CHIC1: variants seen among roughly 807,000 people sequenced by gnomAD.
CHIC1 encodes cysteine rich hydrophobic domain 1, also known as cysteine-rich hydrophobic domain-containing protein 1.
In CHIC1, 7 loss-of-function variants were observed where a neutral mutation model predicts 18.5. The observed-to-expected ratio is 0.38, with a 90% CI of 0.22 to 0.71. The LOEUF (loss-of-function observed/expected upper bound fraction) is 0.71, where lower values mean the gene tolerates loss of function less well. Among genes scored for constraint, CHIC1 ranks in the 30% least tolerant of loss-of-function variants. CHIC1 has a pLI of 0.49. For missense variants in CHIC1, 159 were observed against 176.9 expected (o/e 0.90, Z 0.57); for synonymous variants, 77 against 73.5 (o/e 1.05, Z -0.25).
At chrX:73,572,904 C>T (rs1478245550) in intron 1 of CHIC1, among the ~76,000 whole-genome samples, 2 of 110,796 alleles carry the variant, frequency 1.8e-5, no homozygotes, top group South Asian at 3.7e-4. Flanking sequence ...TGTATGTTGT[C>T]TGTTGATTGA....
chrX:73,645,241 T>C (rs752323647), intron 3 of CHIC1, among the ~76,000 whole-genome samples: 1 of 112,331 alleles, frequency 8.9e-6, no homozygotes, highest in African/African-American at 3.2e-5. Flanking sequence ...AATGATAGAA[T>C]TTTCTTTTCT....
intron 3 of CHIC1, among the ~76,000 whole-genome samples, chrX:73,639,084 T>C (rs1474404943): frequency 8.9e-6 from 1 of 111,933 alleles, no homozygotes; most frequent in Non-Finnish European, 1.9e-5. Context: ...TGTTTTAAGC[T>C]CTTTGAGGAA....
chrX:73,679,262 G>A, intron 3 of CHIC1, 64 bp from the exon 4 acceptor site: 1 of 696,536 alleles, frequency 1.4e-6, no homozygotes, highest in East Asian at 3.3e-5. Flanking sequence ...GAAAAATATA[G>A]ATGCACATAG....
intron 3 of CHIC1, among the ~76,000 whole-genome samples, chrX:73,606,653 T>C (rs2057684910): frequency 9.2e-6 from 1 of 108,801 alleles, no homozygotes; most frequent in African/African-American, 3.6e-5. Flanking sequence ...GTTGGTGACC[T>C]TTGGAACAGG....
intron 3 of CHIC1, among the ~76,000 whole-genome samples, chrX:73,656,405 A>T (rs1173697147): frequency 1.8e-5 from 2 of 111,142 alleles, no homozygotes; most frequent in African/African-American, 6.6e-5. Flanking sequence ...TGTTGCCTAG[A>T]TTTTCTTTTA....
At chrX:73,642,064 T>G (rs1015609734) in intron 3 of CHIC1, among the ~76,000 whole-genome samples, 2 of 111,728 alleles carry the variant, frequency 1.8e-5, no homozygotes, top group African/African-American at 6.5e-5. Flanking sequence ...AAATGGTATT[T>G]CTAGTTCTAG....
intron 3 of CHIC1, among the ~76,000 whole-genome samples, chrX:73,645,050 G>A (rs944761381): frequency 1.2e-4 from 14 of 112,078 alleles, no homozygotes; most frequent in African/African-American, 3.2e-4. Flanking sequence ...GAAATCACCC[G>A]TCTTCTGCGT....
intron 3 of CHIC1, among the ~76,000 whole-genome samples, chrX:73,596,551 A>G: frequency 8.9e-6 from 1 of 111,828 alleles, no homozygotes; most frequent in Admixed American, 9.6e-5. Flanking sequence ...TAGAACTCAA[A>G]AAGAGCCCAT....
Position 73,563,252 on chromosome X carries a change from C to T in CHIC1, c.-33C>T. 1.8e-6 allele frequency: 2 copies of T among 1,089,268 alleles called. No individual in the cohort carries two copies. Among genetic ancestry groups the T allele is most frequent in the South Asian group, 2.4e-5 (1 of 40,910 alleles). 89.8% of individuals were successfully genotyped at this position (1,089,268 alleles called of 1,213,427 possible). ...CACCTCGGCAGGTTCAAACTCTTCT[C>T]CGGGAGCGTGGCGGCGATCGCGAGG... is the stretch of plus-strand genomic sequence containing the variant. On this transcript the variant is annotated 5_prime_UTR_variant, in exon 1 of 6. Transcript: ENST00000373502.
intron 3 of CHIC1, among the ~76,000 whole-genome samples, chrX:73,619,608 A>G (rs1024826898): frequency 9.0e-6 from 1 of 111,635 alleles, no homozygotes; most frequent in Non-Finnish European, 1.9e-5. Flanking sequence ...AACATAATAT[A>G]TTATTTTAAA....
At chrX:73,588,752 A>G (rs2057565857) in intron 3 of CHIC1, among the ~76,000 whole-genome samples, 1 of 110,124 alleles carries the variant, frequency 9.1e-6, no homozygotes, top group East Asian at 2.9e-4. Flanking sequence ...TTCAATATTT[A>G]CTTGTTATAG....
chrX:73,564,827 C>CA (rs11398891), intron 1 of CHIC1, among the ~76,000 whole-genome samples: 3,366 of 77,651 alleles, frequency 0.043, 253 homozygotes, highest in African/African-American at 0.16. Flanking sequence ...GACAGAGTCT[C>CA]ACTCTTTTGC....
At chrX:73,639,513 G>T (rs769791133) in intron 3 of CHIC1, among the ~76,000 whole-genome samples, 2 of 111,941 alleles carry the variant, frequency 1.8e-5, no homozygotes, top group Non-Finnish European at 1.9e-5. Flanking sequence ...AAGCACTTTA[G>T]TTTAATTAGG....
At chrX:73,570,173 T>A (rs1380779642) in intron 1 of CHIC1, among the ~76,000 whole-genome samples, 1 of 111,636 alleles carries the variant, frequency 9.0e-6, no homozygotes, top group East Asian at 2.8e-4. Flanking sequence ...TGTTGAATTG[T>A]ATAGTGCACA....
intron 1 of CHIC1, among the ~76,000 whole-genome samples, chrX:73,571,754 C>T (rs1305549696): frequency 9.0e-6 from 1 of 110,968 alleles, no homozygotes; most frequent in Non-Finnish European, 1.9e-5. Flanking sequence ...GATTTATTTA[C>T]TCGACTATTT....
At chrX:73,676,092 G>C (rs1413418321) in intron 3 of CHIC1, among the ~76,000 whole-genome samples, 1 of 111,984 alleles carries the variant, frequency 8.9e-6, no homozygotes, top group Non-Finnish European at 1.9e-5. Flanking sequence ...AGTTTCTGCC[G>C]AGAGATCTGC....
At chrX:73,674,500 G>C (rs1047349487) in intron 3 of CHIC1, among the ~76,000 whole-genome samples, 2 of 112,112 alleles carry the variant, frequency 1.8e-5, no homozygotes, top group African/African-American at 6.5e-5. Context: ...CTTTCTTCTA[G>C]ATTTTCTAGT....
In CHIC1 at chrX:73,665,334, G is replaced by C. The variant is rs750030272; in HGVS notation, c.508-13992G>C. On this transcript the variant is annotated intron_variant, in intron 3 of 5. Coordinates refer to ENST00000373502, the MANE Select transcript of CHIC1 (RefSeq NM_001039840.4). ...GCCCTTACTAAAGCCCATACTGTTA[G>C]AGATGTTACTGGGACCCATTGCCCT... Among the ~76,000 whole-genome samples, 2 of 111,025 alleles carry C rather than the reference G, an allele frequency of 1.8e-5. 1 individual carries two copies. The highest frequency in any genetic ancestry group is 8.4e-3 in the Middle Eastern group (2 of 237).
chrX:73,610,631 G>A lies in CHIC1; in HGVS notation c.507+26059G>A, dbSNP rs1023727406. On this transcript the variant is annotated intron_variant, in intron 3 of 5. Transcript: ENST00000373502. Reference sequence around the variant, plus strand: ...AGAATTCCCTTCTCTTCAATTTTTTGAATAGTTTGTGATGAATTGGTGTTA... The same window carrying A: ...AGAATTCCCTTCTCTTCAATTTTTTAAATAGTTTGTGATGAATTGGTGTTA... Among the ~76,000 whole-genome samples the A allele has an allele frequency of 4.6e-5, 5 of 108,825 alleles. 1 individual carries two copies. In the Admixed American group the frequency reaches 4.8e-4, roughly 10 times the overall value. The allele number at this position is 108,825 out of a possible 115,157, so 94.5% of individuals were successfully genotyped here.
Sources: allele counts gnomAD v4.1 joint callset (sites outside exome capture counted in the v4.1 genomes callset), GRCh38; gene constraint gnomAD v4.1.1; transcripts MANE v1.5; gene names NCBI Gene and HGNC (gene_info 2026-07-23, HGNC 2026-07-21).